PELI2: variants seen among roughly 807,000 people sequenced by gnomAD.
PELI2 encodes the protein E3 ubiquitin-protein ligase pellino homolog 2.
In PELI2, 23 loss-of-function variants were observed where a neutral mutation model predicts 42.3. That is an observed-to-expected ratio of 0.54 (90% CI 0.39 to 0.77). PELI2 has a LOEUF of 0.77. Ranked by LOEUF, PELI2 falls within the 30% of genes least tolerant of loss-of-function variation. The pLI is 0.00. For synonymous variants in PELI2, 245 were observed against 212.2 expected (o/e 1.15, Z -1.34); for missense variants, 463 against 553.2 (o/e 0.84, Z 1.64).
intron 2 of PELI2, among the ~76,000 whole-genome samples, chr14:56,215,102 A>G (rs1021596748): frequency 2.6e-5 from 4 of 152,240 alleles, no homozygotes; most frequent in African/African-American, 7.2e-5. Context: ...GAATCACACA[A>G]TTGAGCTTCT....
chr14:56,204,863 C>T lies in PELI2; in HGVS notation c.207+26399C>T, dbSNP rs571975455. Among the ~76,000 whole-genome samples, 53 of 151,800 alleles carry T rather than the reference C, an allele frequency of 3.5e-4. No individual in the cohort carries two copies. In the South Asian group the frequency reaches 0.01, roughly 30 times the overall value. ...TGGCTAACATGGTGAAACCCTGTCT[C>T]TACTAAAAATACAAAAAAGTAGCCA... On this transcript the variant is annotated intron_variant, in intron 2 of 5. Coordinates refer to ENST00000267460, the MANE Select transcript of PELI2 (RefSeq NM_021255.3).
At chr14:56,205,206 G>A (rs931537852) in intron 2 of PELI2, among the ~76,000 whole-genome samples, 17 of 152,220 alleles carry the variant, frequency 1.1e-4, no homozygotes, top group African/African-American at 2.9e-4. Flanking sequence ...GAGAAGTTAC[G>A]GGTACATGCT....
At chr14:56,284,661 G>A (rs1429119325) in intron 3 of PELI2, among the ~76,000 whole-genome samples, 1 of 152,164 alleles carries the variant, frequency 6.6e-6, no homozygotes, top group Non-Finnish European at 1.5e-5. Flanking sequence ...ACATTTTCTA[G>A]TGGGTATTTC....
chr14:56,189,501 T>A (rs1292529358), intron 2 of PELI2, among the ~76,000 whole-genome samples: 1 of 152,206 alleles, frequency 6.6e-6, no homozygotes, highest in Non-Finnish European at 1.5e-5. Flanking sequence ...GAATGTATAA[T>A]CCCTGCTGGT....
In PELI2 at chr14:56,276,412, G is replaced by GCCAGC. The variant is rs373557968; in HGVS notation, c.208-3255_208-3251dup. Among the ~76,000 whole-genome samples, 536 of 152,150 alleles carry GCCAGC rather than the reference G, an allele frequency of 3.5e-3. 1 individual carries two copies. The highest frequency in any genetic ancestry group is 0.012 in the African/African-American group (512 of 41,502). On this transcript the variant is annotated intron_variant, in intron 2 of 5. Coordinates refer to ENST00000267460, the MANE Select transcript of PELI2 (RefSeq NM_021255.3). ...CCTGGCTTTAGTCTCATCTTTTCAG[G>GCCAGC]CCAGCCCAGCCCACGTTTCTGCTTT...
At chr14:56,210,848 C>T (rs991827093) in intron 2 of PELI2, among the ~76,000 whole-genome samples, 1 of 152,124 alleles carries the variant, frequency 6.6e-6, no homozygotes, top group African/African-American at 2.4e-5. Flanking sequence ...TTCTGTCTGA[C>T]CTATGGCTGA....
chr14:56,169,880 G>A (rs920765099), intron 1 of PELI2, among the ~76,000 whole-genome samples: 2 of 152,156 alleles, frequency 1.3e-5, no homozygotes, highest in African/African-American at 2.4e-5. Flanking sequence ...TATATGATAG[G>A]TTAAATAATA....
rs761024769 is a variant in PELI2 at position 56,299,718 on chromosome 14, T to G, written c.*2552T>G. 14 of 152,222 alleles carry G rather than the reference T, an allele frequency of 9.2e-5. No individual in the cohort carries two copies. The highest frequency in any genetic ancestry group is 1.9e-4 in the Non-Finnish European group (13 of 68,054). The allele number at this position is 152,222 out of a possible 1,614,324, so 9.4% of individuals were successfully genotyped here. A position where few individuals can be genotyped will look rare whatever the true frequency, so the allele number is the denominator to read the frequency against. The stretch of plus-strand genomic sequence containing the variant: ...AATTTCTCCAAGGTCACTTCTTTTT[T>G]TATGTCTTGCCATCACTTTAAAGGA... On this transcript the variant is annotated 3_prime_UTR_variant, in exon 6 of 6. Transcript: ENST00000267460.
At chr14:56,250,411 C>G (rs929328957) in intron 2 of PELI2, among the ~76,000 whole-genome samples, 5 of 151,986 alleles carry the variant, frequency 3.3e-5, no homozygotes, top group Non-Finnish European at 7.4e-5. Flanking sequence ...CTCACATCAT[C>G]ACAAGGTGAA....
rs1890067006 is a variant in PELI2, at chr14:56,297,952, T to C, written c.*786T>C. On this transcript the variant is annotated 3_prime_UTR_variant, in exon 6 of 6. Coordinates refer to ENST00000267460, the MANE Select transcript of PELI2 (RefSeq NM_021255.3). ...TTGGTTGATTAAAATACATCAGCTC[T>C]TAAAAACTCATTAACTGAGGGTAAT... The C allele has an allele frequency of 6.6e-6, 1 of 152,186 alleles. No individual in the cohort carries two copies. The highest frequency in any genetic ancestry group is 2.1e-4 in the South Asian group (1 of 4,830). 9.4% of individuals were successfully genotyped at this position (152,186 alleles called of 1,614,324 possible).
intron 1 of PELI2, among the ~76,000 whole-genome samples, chr14:56,147,349 G>A (rs1333954862): frequency 1.3e-5 from 2 of 152,156 alleles, no homozygotes; most frequent in African/African-American, 4.8e-5. Context: ...ATGAGATGCT[G>A]TACCATCTTA....
chr14:56,271,921 C>T (rs372490028), intron 2 of PELI2, among the ~76,000 whole-genome samples: 4 of 152,112 alleles, frequency 2.6e-5, no homozygotes, highest in African/African-American at 4.8e-5. Flanking sequence ...AGGCATTTTG[C>T]GGGGACCTGA....
At chr14:56,216,955 C>G (rs944566173) in intron 2 of PELI2, among the ~76,000 whole-genome samples, 2 of 152,156 alleles carry the variant, frequency 1.3e-5, no homozygotes. Context: ...CAAACATGTC[C>G]TAAATTATTT....
intron 1 of PELI2, among the ~76,000 whole-genome samples, chr14:56,139,270 C>T (rs1304677382): frequency 1.3e-5 from 2 of 151,920 alleles, no homozygotes; most frequent in Non-Finnish European, 2.9e-5. Flanking sequence ...AGGAGAGAGA[C>T]CTTGTGGGCT....
intron 1 of PELI2, among the ~76,000 whole-genome samples, chr14:56,147,747 T>C (rs374059927): frequency 7.3e-4 from 111 of 152,274 alleles, no homozygotes; most frequent in African/African-American, 2.6e-3. Context: ...TTTTAGAAAG[T>C]TAGGGGAGAG....
intron 2 of PELI2, among the ~76,000 whole-genome samples, chr14:56,265,628 G>A (rs116125826): frequency 1.3e-5 from 2 of 151,998 alleles, no homozygotes; most frequent in Non-Finnish European, 2.9e-5. Context: ...AAGAACTTAC[G>A]CCTTTGGAAT....
At chr14:56,200,509 C>A (rs1276159773) in intron 2 of PELI2, among the ~76,000 whole-genome samples, 2 of 152,142 alleles carry the variant, frequency 1.3e-5, no homozygotes, top group African/African-American at 4.8e-5. Context: ...GCCTTCGTTA[C>A]CCTATAGGGT....
At chr14:56,199,349 C>T (rs536591783) in intron 2 of PELI2, among the ~76,000 whole-genome samples, 11 of 152,222 alleles carry the variant, frequency 7.2e-5, no homozygotes, top group African/African-American at 1.9e-4. Context: ...ATACAAGAGA[C>T]GGTCTGGCCT....
At chr14:56,249,729 C>T (rs1269856744) in intron 2 of PELI2, among the ~76,000 whole-genome samples, 3 of 152,128 alleles carry the variant, frequency 2.0e-5, no homozygotes, top group African/African-American at 2.4e-5. Context: ...ATGTGTGGCT[C>T]GTGTGTTCAG....
Sources: allele counts gnomAD v4.1 joint callset (sites outside exome capture counted in the v4.1 genomes callset), GRCh38; gene constraint gnomAD v4.1.1; transcripts MANE v1.5; gene names NCBI Gene and HGNC (gene_info 2026-07-23, HGNC 2026-07-21).